MTOR: variants seen among roughly 807,000 people sequenced by gnomAD.
MTOR encodes mechanistic target of rapamycin kinase, also known as serine/threonine-protein kinase mTOR.
A neutral mutation model predicts 319.8 loss-of-function variants in MTOR; 70 were observed. The observed-to-expected ratio is 0.22, with a 90% CI of 0.18 to 0.27. The LOEUF (loss-of-function observed/expected upper bound fraction) is 0.27. Among genes scored for constraint, MTOR ranks in the 10% least tolerant of loss-of-function variants. MTOR has a pLI of 1.00. For missense variants in MTOR, 1,890 were observed against 3,274.4 expected (o/e 0.58, Z 10.32); for synonymous variants, 1,183 against 1,211.4 (o/e 0.98, Z 0.49).
At chr1:11,205,837 A>G (rs1293364604) in intron 25 of MTOR, among the ~76,000 whole-genome samples, 1 of 152,226 alleles carries the variant, frequency 6.6e-6, no homozygotes, top group African/African-American at 2.4e-5. Context: ...TAAATGGGGG[A>G]AATCATGTAA....
In MTOR at chr1:11,126,992, G is replaced by T. The variant is rs1431404923; in HGVS notation, c.6351+18C>A. The T allele has an allele frequency of 6.2e-7, 1 of 1,613,812 alleles. No individual in the cohort carries two copies. The highest frequency in any genetic ancestry group is 8.5e-7 in the Non-Finnish European group (1 of 1,179,914). On this transcript the variant is annotated intron_variant, in intron 45 of 57. Coordinates refer to ENST00000361445, the MANE Select transcript of MTOR (RefSeq NM_004958.4). ...ACTATAATGACAGTTAACCCTGCCA[G>T]GAGCCTGAAGATCCTACCTGAGGCA...
At chr1:11,193,708 C>T (rs1645652853) in intron 28 of MTOR, 1 of 1,614,018 alleles carries the variant, frequency 6.2e-7, no homozygotes, top group Non-Finnish European at 8.5e-7. Context: ...GTGGGGACTT[C>T]TGGCTGGGGA....
At chr1:11,247,602 A>G in intron 8 of MTOR, 23 bp downstream of exon 8, 1 of 1,606,820 alleles carries the variant, frequency 6.2e-7, no homozygotes, top group Non-Finnish European at 8.5e-7. Flanking sequence ...ATGGGTAATG[A>G]TGTCTTCCAT....
intron 8 of MTOR, among the ~76,000 whole-genome samples, chr1:11,246,110 C>A (rs1375898093): frequency 1.3e-5 from 2 of 152,128 alleles, no homozygotes; most frequent in Admixed American, 6.6e-5. Flanking sequence ...AATACTTATA[C>A]GGTGTGCCCA....
rs555101286 is a variant in MTOR at position 11,224,734 on chromosome 1, T to C, written c.3030+3934A>G. Among the ~76,000 whole-genome samples, 12 of 152,146 alleles carry C rather than the reference T, an allele frequency of 7.9e-5. No individual in the cohort carries two copies. The South Asian group carries it at 2.3e-3, about 29-fold the overall frequency. ...ACAATGCAATTAAGTTAGAAATCAA[T>C]ATAAAAAAGAGAAATTAAAAACCCT... On this transcript the variant is annotated intron_variant, in intron 19 of 57. Transcript: ENST00000361445.
intron 19 of MTOR, 84 bp downstream of exon 19, chr1:11,228,584 A>G (rs1002471283): frequency 1.9e-6 from 3 of 1,541,098 alleles, no homozygotes; most frequent in South Asian, 2.5e-5. Context: ...CAGAGAATGC[A>G]CAATTAAGAA....
Position 11,190,991 on chromosome 1 carries a change from C to T in MTOR, c.4253+8267G>A, listed in dbSNP as rs76225539. Among the ~76,000 whole-genome samples, 908 of 152,302 alleles carry T rather than the reference C, an allele frequency of 6.0e-3. 11 individuals are homozygous for T. Among genetic ancestry groups the T allele is most frequent in the African/African-American group, 0.02 (836 of 41,566 alleles). Reference sequence around the variant, plus strand: ...CACTTTCTAAGCATGGACTTCCGGGCCCTCAGTTTGGGATTAGAAAGGTAT... The same window carrying T: ...CACTTTCTAAGCATGGACTTCCGGGTCCTCAGTTTGGGATTAGAAAGGTAT... On this transcript the variant is annotated intron_variant, in intron 28 of 57. Transcript: ENST00000361445.
intron 29 of MTOR, among the ~76,000 whole-genome samples, chr1:11,157,664 C>A (rs183919458): frequency 2.0e-3 from 299 of 152,306 alleles, no homozygotes; most frequent in Non-Finnish European, 3.4e-3. Flanking sequence ...AGCACCAGAG[C>A]TGTTTCAAAG....
chr1:11,231,936 T>C (rs1647030880), intron 16 of MTOR, among the ~76,000 whole-genome samples: 1 of 152,070 alleles, frequency 6.6e-6, no homozygotes. Context: ...CCCAGGTTGC[T>C]CTCGCTCTGG....
chr1:11,106,811 C>A lies in MTOR; in HGVS notation c.*674G>T. On this transcript the variant is annotated 3_prime_UTR_variant, in exon 58 of 58. Coordinates refer to ENST00000361445, the MANE Select transcript of MTOR (RefSeq NM_004958.4). ...AGGGTGGTCCCACTGCACAGTGATC[C>A]CCTCTGTGCATCTGCTCAGCCGAGG... 2 of 1,285,152 alleles carry A rather than the reference C, an allele frequency of 1.6e-6. No homozygotes were observed. The highest frequency in any genetic ancestry group is 2.0e-6 in the Non-Finnish European group (2 of 997,526). 79.6% of individuals were successfully genotyped at this position (1,285,152 alleles called of 1,614,324 possible).
chr1:11,148,268 T>C (rs1446990909), intron 31 of MTOR, among the ~76,000 whole-genome samples: 3 of 152,140 alleles, frequency 2.0e-5, no homozygotes, highest in African/African-American at 7.2e-5. Flanking sequence ...AATACTAGTC[T>C]GGAAACGCCT....
rs1194209784 is a variant in MTOR at position 11,107,164 on chromosome 1, C to A, written c.*321G>T. On this transcript the variant is annotated 3_prime_UTR_variant, in exon 58 of 58. Transcript: ENST00000361445. Reference sequence around the variant, plus strand: ...CATCAGCAAGTACTTATGATGAGTTCTCTTGTGAGTTAAGTCAAAACCCGT... The same window carrying A: ...CATCAGCAAGTACTTATGATGAGTTATCTTGTGAGTTAAGTCAAAACCCGT... 5.1e-6 allele frequency: 7 copies of A among 1,385,576 alleles called. No homozygotes were observed. The highest frequency in any genetic ancestry group is 1.4e-5 in the African/African-American group (1 of 70,014). The allele number at this position is 1,385,576 out of a possible 1,614,324, so 85.8% of individuals were successfully genotyped here.
At chr1:11,161,725 T>G (rs1644485205) in intron 29 of MTOR, among the ~76,000 whole-genome samples, 1 of 152,214 alleles carries the variant, frequency 6.6e-6, no homozygotes, top group Non-Finnish European at 1.5e-5. Context: ...CTGAGGGTCC[T>G]GACTGTTAGA....
intron 36 of MTOR, among the ~76,000 whole-genome samples, chr1:11,138,464 T>G (rs534738873): frequency 6.6e-6 from 1 of 152,234 alleles, no homozygotes; most frequent in Non-Finnish European, 1.5e-5. Context: ...GATTCAGTCA[T>G]GTATAAAATT....
intron 31 of MTOR, among the ~76,000 whole-genome samples, chr1:11,148,873 G>A (rs1373637482): frequency 2.6e-5 from 4 of 151,952 alleles, no homozygotes; most frequent in Non-Finnish European, 5.9e-5. Flanking sequence ...ACTCCAGCCT[G>A]GGTGACAGAG....
intron 15 of MTOR, chr1:11,233,048 G>A (rs942450651): frequency 1.4e-5 from 14 of 1,026,388 alleles, no homozygotes; most frequent in Non-Finnish European, 1.1e-5. Context: ...GGATTCGGAT[G>A]AAAACTGGTA....
At position 11,146,734 on chromosome 1, in the gene MTOR, C is replaced by T. The variant is rs2100519683; in HGVS notation, c.4628G>A (p.Gly1543Glu). 1.9e-6 allele frequency: 3 copies of T among 1,614,098 alleles called. No individual in the cohort carries two copies. The highest frequency in any genetic ancestry group is 2.5e-6 in the Non-Finnish European group (3 of 1,180,024). The stretch of plus-strand genomic sequence containing the variant: ...TGCCAGCACAGCTCTATAAAATGCC[C>T]CATCATGGGTGTCCCGAGGGATCAT... ...TCMIPRDTHD[G>E]AFYRAVLALH... Residue 1543 changes from glycine (G) to glutamate (E), a missense_variant, in exon 32 of 58, where the codon GGG becomes GAG. This residue lies in a region of MTOR where 276 missense variants were observed against 459.4 expected (regional missense o/e 0.60). Transcript: ENST00000361445.
intron 28 of MTOR, among the ~76,000 whole-genome samples, chr1:11,172,303 A>G (rs968096832): frequency 1.8e-4 from 28 of 152,096 alleles, no homozygotes; most frequent in African/African-American, 6.8e-4. Context: ...CACGCCTGTA[A>G]TCCCAGCACT....
At position 11,162,567 on chromosome 1, in the gene MTOR, C is replaced by T. The variant is rs548001310; in HGVS notation, c.4329+4875G>A. On this transcript the variant is annotated intron_variant, in intron 29 of 57. Coordinates refer to ENST00000361445, the MANE Select transcript of MTOR (RefSeq NM_004958.4). The stretch of plus-strand genomic sequence containing the variant: ...GGGTTACCCACAAAGGGAAGCCCAT[C>T]AGACTAACAGCGGATCTCTTGGCAG... Among the ~76,000 whole-genome samples the T allele has an allele frequency of 2.7e-4, 41 of 152,332 alleles. 1 individual carries two copies. The highest frequency in any genetic ancestry group is 3.4e-3 in the Middle Eastern group (1 of 294).
Sources: gnomAD v4.1 joint callset for allele counts (sites outside exome capture counted in the v4.1 genomes callset) on GRCh38, gnomAD v4.1.1 for gene constraint, gnomAD v4.1.1 regional missense constraint, MANE v1.5 for transcripts, NCBI Gene and HGNC (gene_info 2026-07-23, HGNC 2026-07-21) for gene names.